ROBO2: variants seen among roughly 807,000 people sequenced by gnomAD.
The protein encoded by ROBO2 is roundabout guidance receptor 2.
A neutral mutation model predicts 160.8 loss-of-function variants in ROBO2; 53 were observed. The ratio of observed to expected loss-of-function variants is 0.33; its 90% CI spans 0.26 to 0.41. ROBO2 has a LOEUF of 0.41. Ranked by LOEUF, ROBO2 falls within the 10% of genes least tolerant of loss-of-function variation. The pLI is 1.00. For synonymous variants in ROBO2, 664 were observed against 611.7 expected (o/e 1.09, Z -1.26); for missense variants, 1,577 against 1,722.4 (o/e 0.92, Z 1.49).
intron 2 of ROBO2, among the ~76,000 whole-genome samples, chr3:76,840,648 TA>T (rs1559586281): frequency 5.9e-3 from 77 of 13,042 alleles, no homozygotes; most frequent in East Asian, 7.6e-3. Flanking sequence ...TTATATTTTA[TA>T]TATATATATA....
intron 2 of ROBO2, among the ~76,000 whole-genome samples, chr3:76,153,436 G>A (rs1474674453): frequency 6.6e-6 from 1 of 152,128 alleles, no homozygotes; most frequent in Non-Finnish European, 1.5e-5. Context: ...AAAGCATTGA[G>A]TTTTTTGTTG....
intron 2 of ROBO2, among the ~76,000 whole-genome samples, chr3:76,900,238 G>C (rs1469127639): frequency 6.6e-6 from 1 of 152,108 alleles, no homozygotes; most frequent in Non-Finnish European, 1.5e-5. Context: ...ACAACATGTG[G>C]GAATTATGGA....
At chr3:76,399,582 T>C (rs2077693777) in intron 2 of ROBO2, among the ~76,000 whole-genome samples, 1 of 151,730 alleles carries the variant, frequency 6.6e-6, no homozygotes, top group Non-Finnish European at 1.5e-5. Context: ...AAAACAACTT[T>C]TAAAATGAGA....
At chr3:76,779,290 A>G (rs531416034) in intron 2 of ROBO2, among the ~76,000 whole-genome samples, 17 of 151,108 alleles carry the variant, frequency 1.1e-4, no homozygotes, top group African/African-American at 3.9e-4. Flanking sequence ...CCAAAAATAT[A>G]CCCGTCACCT....
chr3:76,348,192 C>G (rs1403041038), intron 2 of ROBO2, among the ~76,000 whole-genome samples: 1 of 152,044 alleles, frequency 6.6e-6, no homozygotes, highest in Non-Finnish European at 1.5e-5. Flanking sequence ...TGTCCGCCAT[C>G]ATTCCACAGT....
chr3:76,212,843 C>CCTCTCTCTCTCTCTCT (rs113091456), intron 2 of ROBO2, among the ~76,000 whole-genome samples: 13 of 149,222 alleles, frequency 8.7e-5, no homozygotes, highest in African/African-American at 3.0e-4. Flanking sequence ...ACCCATGGAG[C>CCTCTCTCTCTCTCTCT]CTCTCTCTCT....
At chr3:76,604,848 C>T (rs1318607619) in intron 2 of ROBO2, among the ~76,000 whole-genome samples, 2 of 152,058 alleles carry the variant, frequency 1.3e-5, no homozygotes, top group Non-Finnish European at 2.9e-5. Context: ...TTTTGGAAAG[C>T]CCTTGACCAA....
intron 2 of ROBO2, among the ~76,000 whole-genome samples, chr3:76,401,869 G>T (rs1357163360): frequency 1.3e-5 from 2 of 151,522 alleles, no homozygotes; most frequent in South Asian, 2.1e-4. Context: ...TTGCACAATG[G>T]TAGTAAAATA....
rs570108004 is a variant in ROBO2 at position 76,202,512 on chromosome 3, A to G, written c.109+264910A>G. Among the ~76,000 whole-genome samples, 5 of 152,306 alleles carry G rather than the reference A, an allele frequency of 3.3e-5. No homozygotes were observed. The South Asian group carries it at 1.0e-3, about 32-fold the overall frequency. On this transcript the variant is annotated intron_variant, in intron 2 of 26. Transcript: ENST00000487694. ...ACAAAGGATGTTGCTTGGCATGAAA[A>G]AATAACCTGATCAACATTTGTTGAA...
chr3:77,001,273 A>G (rs1279679166), intron 2 of ROBO2, among the ~76,000 whole-genome samples: 1 of 152,188 alleles, frequency 6.6e-6, no homozygotes, highest in Non-Finnish European at 1.5e-5. Flanking sequence ...TGCCAGTAGT[A>G]TCAGAGTTTT....
chr3:76,674,636 C>T (rs138619117), intron 2 of ROBO2, among the ~76,000 whole-genome samples: 1 of 83,364 alleles, frequency 1.2e-5, no homozygotes, highest in African/African-American at 3.9e-5. Flanking sequence ...ACACAGAAAC[C>T]TGTAGAAAGT....
intron 2 of ROBO2, among the ~76,000 whole-genome samples, chr3:76,793,578 A>G (rs1256200393): frequency 6.6e-6 from 1 of 151,916 alleles, no homozygotes; most frequent in Non-Finnish European, 1.5e-5. Flanking sequence ...GAGTAAAATC[A>G]TAATAGTGAA....
At chr3:77,215,563 C>G (rs570448745) in intron 2 of ROBO2, among the ~76,000 whole-genome samples, 1 of 152,226 alleles carries the variant, frequency 6.6e-6, no homozygotes, top group African/African-American at 2.4e-5. Flanking sequence ...TCATCTGAAG[C>G]CTTCCTCTCT....
intron 2 of ROBO2, among the ~76,000 whole-genome samples, chr3:76,778,465 T>C (rs940227485): frequency 6.6e-6 from 1 of 151,034 alleles, no homozygotes; most frequent in Non-Finnish European, 1.5e-5. Flanking sequence ...CTAGTGTTCT[T>C]GAGTAATTTG....
chr3:76,663,154 G>A (rs2091895243), intron 2 of ROBO2, among the ~76,000 whole-genome samples: 1 of 152,200 alleles, frequency 6.6e-6, no homozygotes. Context: ...TATCCTGGAT[G>A]TGAGAGACAA....
chr3:76,267,913 GC>G (rs543510918), intron 2 of ROBO2, among the ~76,000 whole-genome samples: 91 of 152,192 alleles, frequency 6.0e-4, no homozygotes, highest in African/African-American at 2.0e-3. Flanking sequence ...GTACCTCACA[GC>G]TGTACTATGC....
intron 2 of ROBO2, among the ~76,000 whole-genome samples, chr3:75,941,164 C>G (rs937496544): frequency 4.6e-5 from 7 of 152,148 alleles, no homozygotes; most frequent in African/African-American, 1.7e-4. Context: ...CTATGTTGCC[C>G]AGGCAGGTCA....
chr3:75,954,233 T>A (rs556325231), intron 2 of ROBO2, among the ~76,000 whole-genome samples: 1 of 151,934 alleles, frequency 6.6e-6, no homozygotes, highest in South Asian at 2.1e-4. Flanking sequence ...GCATGTATAT[T>A]TTTTTATTCC....
intron 2 of ROBO2, among the ~76,000 whole-genome samples, chr3:76,839,341 G>T (rs1306888724): frequency 6.6e-6 from 1 of 152,108 alleles, no homozygotes; most frequent in African/African-American, 2.4e-5. Context: ...GTGAAATAAG[G>T]CATGTAGGAA....
Sources: gnomAD v4.1 joint callset for allele counts (sites outside exome capture counted in the v4.1 genomes callset) on GRCh38, gnomAD v4.1.1 for gene constraint, MANE v1.5 for transcripts, NCBI Gene and HGNC (gene_info 2026-07-23, HGNC 2026-07-21) for gene names.